The following CADPS2 variants were observed in gnomAD, a reference collection of about 807,000 sequenced individuals.
CADPS2 encodes calcium-dependent secretion activator 2.
In CADPS2, 93 loss-of-function variants were observed where a neutral mutation model predicts 172.5. The ratio of observed to expected loss-of-function variants is 0.54; its 90% confidence interval spans 0.46 to 0.64. The LOEUF (loss-of-function observed/expected upper bound fraction) is 0.64. CADPS2 is among the 30% of genes least tolerant of loss of function. CADPS2 has a pLI of 0.00. For missense variants in CADPS2, 1,420 were observed against 1,565.9 expected (o/e 0.91, Z 1.57); for synonymous variants, 546 against 555.2 (o/e 0.98, Z 0.23).
At chr7:122,489,984 TA>T in intron 11 of CADPS2, 96 bp downstream of exon 11, 1 of 974,026 alleles carries the variant, frequency 1.0e-6, no homozygotes, top group Non-Finnish European at 1.5e-6. Context: ...AGGAATCAAT[TA>T]ATGATGTAAA....
chr7:122,721,939 AAC>A (rs1232234938), intron 2 of CADPS2, among the ~76,000 whole-genome samples: 2 of 152,262 alleles, frequency 1.3e-5, no homozygotes, highest in East Asian at 3.9e-4. Flanking sequence ...AAAGACAAAA[AAC>A]ACATGATTAT....
intron 1 of CADPS2, among the ~76,000 whole-genome samples, chr7:122,802,461 C>T (rs896711988): frequency 1.3e-5 from 2 of 152,138 alleles, no homozygotes; most frequent in African/African-American, 4.8e-5. Context: ...CCCAAAAATC[C>T]GTTCTTGGAC....
chr7:122,636,218 T>C (rs1261686079), intron 3 of CADPS2, among the ~76,000 whole-genome samples: 3 of 152,180 alleles, frequency 2.0e-5, no homozygotes, highest in Admixed American at 6.5e-5. Flanking sequence ...AAGTATGTTT[T>C]TGTGGTAGCA....
At chr7:122,513,017 T>G (rs2060113947) in intron 9 of CADPS2, among the ~76,000 whole-genome samples, 1 of 151,928 alleles carries the variant, frequency 6.6e-6, no homozygotes, top group East Asian at 1.9e-4. Context: ...GGGTAAAGAG[T>G]CCAAAAGCAT....
chr7:122,587,795 T>G (rs923632967), intron 6 of CADPS2, among the ~76,000 whole-genome samples: 27 of 152,294 alleles, frequency 1.8e-4, no homozygotes, highest in Admixed American at 6.5e-4. Flanking sequence ...CCACATCATC[T>G]TCCACAATGG....
intron 1 of CADPS2, among the ~76,000 whole-genome samples, chr7:122,777,209 A>C (rs1429907927): frequency 6.6e-6 from 1 of 152,140 alleles, no homozygotes; most frequent in Non-Finnish European, 1.5e-5. Context: ...TCTTAAGTAA[A>C]ATAGCTTATT....
chr7:122,844,687 G>A (rs1006129075), intron 1 of CADPS2, among the ~76,000 whole-genome samples: 1 of 152,050 alleles, frequency 6.6e-6, no homozygotes, highest in Non-Finnish European at 1.5e-5. Context: ...ATGCTCAGGG[G>A]CTCAGGTATA....
At chr7:122,513,196 A>G in intron 9 of CADPS2, 53 bp downstream of exon 9, 2 of 1,291,968 alleles carry the variant, frequency 1.5e-6, no homozygotes, top group Non-Finnish European at 2.2e-6. Context: ...ACATAAACAA[A>G]TTTTGAGAAC....
At chr7:122,494,796 T>A (rs2058600498) in intron 9 of CADPS2, among the ~76,000 whole-genome samples, 1 of 152,080 alleles carries the variant, frequency 6.6e-6, no homozygotes, top group Non-Finnish European at 1.5e-5. Flanking sequence ...CCTTGTGTCT[T>A]TCCTCATCTT....
intron 6 of CADPS2, among the ~76,000 whole-genome samples, chr7:122,599,824 CTG>C (rs1452885729): frequency 6.6e-6 from 1 of 151,920 alleles, no homozygotes; most frequent in Admixed American, 6.6e-5. Context: ...ATACTATATT[CTG>C]TGTTACTTTA....
chr7:122,720,444 A>T (rs1256748674), intron 2 of CADPS2, among the ~76,000 whole-genome samples: 1 of 151,026 alleles, frequency 6.6e-6, no homozygotes, highest in African/African-American at 2.4e-5. Flanking sequence ...ATATATATGT[A>T]TACATATCTA....
intron 1 of CADPS2, among the ~76,000 whole-genome samples, chr7:122,819,540 T>C (rs1045463245): frequency 6.6e-5 from 10 of 152,148 alleles, no homozygotes; most frequent in African/African-American, 2.2e-4. Context: ...CAAGGGCCTG[T>C]TTCCCTTGCC....
intron 28 of CADPS2, chr7:122,328,635 T>G (rs557025582): frequency 6.6e-6 from 1 of 152,226 alleles, no homozygotes; most frequent in Admixed American, 6.5e-5. Context: ...AGCAAAAATA[T>G]GTTTTTTTCT....
intron 1 of CADPS2, among the ~76,000 whole-genome samples, chr7:122,791,251 G>T (rs900683868): frequency 6.6e-6 from 1 of 152,110 alleles, no homozygotes; most frequent in Non-Finnish European, 1.5e-5. Flanking sequence ...AAATAATATT[G>T]TTTAATGTTC....
Position 122,705,887 on chromosome 7 carries a change from A to AAATAT in CADPS2, c.453+31063_453+31067dup, listed in dbSNP as rs1179495193. Among the ~76,000 whole-genome samples, 7 of 1,552 alleles carry AAATAT rather than the reference A, an allele frequency of 4.5e-3. 3 individuals are homozygous for AAATAT. The highest frequency in any genetic ancestry group is 5.3e-3 in the African/African-American group (7 of 1,312). The allele number at this position is 1,552 out of a possible 152,430, so 1.0% of individuals were successfully genotyped here. On this transcript the variant is annotated intron_variant, in intron 2 of 29. Transcript: ENST00000449022. ...CATATTATATATAATATAATATAAT[A>AAATAT]AATATAATATAATATATAATATATT...
At chr7:122,821,577 T>A (rs1039029081) in intron 1 of CADPS2, among the ~76,000 whole-genome samples, 4 of 152,132 alleles carry the variant, frequency 2.6e-5, no homozygotes, top group African/African-American at 4.8e-5. Context: ...GGGTCTGAGA[T>A]GGCCACCGCA....
At position 122,319,970 on chromosome 7, in the gene CADPS2, CAAAAA is replaced by C. The variant is rs869144999; in HGVS notation, c.*190_*194del. On this transcript the variant is annotated 3_prime_UTR_variant, in exon 30 of 30. Transcript: ENST00000449022. ...CCAAAAAAACAAACAAACAAACAAA[CAAAAA>C]AAGGAAACAAAAAAACCCCAAAATC... The C allele has an allele frequency of 2.3e-6, 1 of 431,046 alleles. No homozygotes were observed. Among genetic ancestry groups the C allele is most frequent in the East Asian group, 3.9e-5 (1 of 25,488 alleles). The allele number at this position is 431,046 out of a possible 1,614,324, so 26.7% of individuals were successfully genotyped here. A position where few individuals can be genotyped will look rare whatever the true frequency, so the allele number is the denominator to read the frequency against.
chr7:122,863,917 C>A (rs1817617166), intron 1 of CADPS2, among the ~76,000 whole-genome samples: 1 of 152,134 alleles, frequency 6.6e-6, no homozygotes, highest in African/African-American at 2.4e-5. Flanking sequence ...GTAATCCTAG[C>A]TACTCGGGAG....
At chr7:122,498,119 T>G (rs1404893989) in intron 9 of CADPS2, among the ~76,000 whole-genome samples, 1 of 152,162 alleles carries the variant, frequency 6.6e-6, no homozygotes, top group Non-Finnish European at 1.5e-5. Flanking sequence ...GGCTAATTTT[T>G]GTATTTTTAA....
Sources: allele counts gnomAD v4.1 joint callset (sites outside exome capture counted in the v4.1 genomes callset), GRCh38; gene constraint gnomAD v4.1.1; transcripts MANE v1.5; gene names NCBI Gene and HGNC (gene_info 2026-07-23, HGNC 2026-07-21).